Variants in FANCA observed in about 807,000 individuals in gnomAD.
FANCA encodes FA complementation group A.
In FANCA, 236 loss-of-function variants were observed where a neutral mutation model predicts 194.3. The ratio of observed to expected loss-of-function variants is 1.21; its 90% CI spans 1.09 to 1.35. The LOEUF (loss-of-function observed/expected upper bound fraction) is 1.35. Ranked by LOEUF, FANCA falls within the 40% of genes most tolerant of loss-of-function variation. FANCA has a pLI of 0.00. For missense variants in FANCA, 2,628 were observed against 1,813.9 expected (o/e 1.45, Z -8.15); for synonymous variants, 1,014 against 715.8 (o/e 1.42, Z -6.65).
intron 6 of FANCA, among the ~76,000 whole-genome samples, chr16:89,806,698 G>A (rs1473808545): frequency 6.6e-6 from 1 of 152,216 alleles, no homozygotes; most frequent in Admixed American, 6.5e-5. Context: ...TCCCAAGGCA[G>A]AAGAATTTCT....
Position 89,738,104 on chromosome 16 carries a change from A to G in FANCA, c.*497T>C, listed in dbSNP as rs888001596. ...GGCCGGCGGTTTGAGAAGGCCCACA[A>G]CCTCAATGTACACATGTCCATGGTG... On this transcript the variant is annotated 3_prime_UTR_variant, in exon 43 of 43. Transcript: ENST00000389301. 6.2e-6 allele frequency: 10 copies of G among 1,613,914 alleles called. No individual in the cohort carries two copies. Among genetic ancestry groups the G allele is most frequent in the African/African-American group, 1.3e-5 (1 of 75,036 alleles).
At chr16:89,777,274 T>C (rs1029316128) in intron 20 of FANCA, among the ~76,000 whole-genome samples, 1 of 151,978 alleles carries the variant, frequency 6.6e-6, no homozygotes, top group Non-Finnish European at 1.5e-5. Context: ...CCCAGCTACT[T>C]GGGAGGCGGA....
rs745511608 is a variant in FANCA at position 89,767,211 on chromosome 16, G to A, written c.2531C>T (p.Ser844Phe). Residue 844 changes from serine (S) to phenylalanine (F), a missense_variant, in exon 27 of 43, where the codon TCT becomes TTT. Physicochemically the swap from Ser to Phe is radical, Grantham distance 155 (BLOSUM62 -2). Transcript: ENST00000389301. Reference sequence around the variant, plus strand: ...TGACTGGGAAGAAAACTTGCAGAGAGAGTAAGAAATTGCTGCTGTACAAAA... The same window carrying A: ...TGACTGGGAAGAAAACTTGCAGAGAAAGTAAGAAATTGCTGCTGTACAAAA... ...LKFCTAAISY[S>F]LCKFSSQSRD... 6.2e-7 allele frequency: 1 copy of A among 1,613,464 alleles called. No homozygotes were observed. The highest frequency in any genetic ancestry group is 1.3e-5 in the African/African-American group (1 of 75,072).
At chr16:89,739,429 G>T in intron 40 of FANCA, 49 bp downstream of exon 40, 1 of 1,552,560 alleles carries the variant, frequency 6.4e-7, no homozygotes, top group African/African-American at 1.4e-5. Flanking sequence ...CTGAGATGGG[G>T]GTCTGGGAAA....
At chr16:89,802,174 G>A (rs1033194530) in intron 8 of FANCA, among the ~76,000 whole-genome samples, 1 of 152,014 alleles carries the variant, frequency 6.6e-6, no homozygotes, top group Non-Finnish European at 1.5e-5. Flanking sequence ...CGCAATCTTG[G>A]CTCACTGCAA....
Position 89,739,104 on chromosome 16 carries a change from C to A in FANCA, c.4167+29G>T, listed in dbSNP as rs545928949. The A allele has an allele frequency of 5.2e-5, 84 of 1,613,980 alleles. 1 individual carries two copies. In the South Asian group the frequency reaches 8.6e-4, roughly 16 times the overall value. Reference sequence around the variant, plus strand: ...GAGCCTCCGGCTGGGGGGAGCTCCCCTGGAGGTGGGACTGGCCCTTGCACC... The same window carrying A: ...GAGCCTCCGGCTGGGGGGAGCTCCCATGGAGGTGGGACTGGCCCTTGCACC... On this transcript the variant is annotated intron_variant, in intron 41 of 42. Coordinates refer to ENST00000389301, the MANE Select transcript of FANCA (RefSeq NM_000135.4).
intron 27 of FANCA, 90 bp downstream of exon 27, chr16:89,767,051 A>C: frequency 9.6e-7 from 1 of 1,044,672 alleles, no homozygotes; most frequent in South Asian, 1.3e-5. Flanking sequence ...ATGGGCACAA[A>C]GCGGCAGCAG....
chr16:89,793,889 T>G (rs1452912936), intron 11 of FANCA, among the ~76,000 whole-genome samples: 1 of 152,182 alleles, frequency 6.6e-6, no homozygotes, highest in Non-Finnish European at 1.5e-5. Flanking sequence ...TAGCTGGGAC[T>G]ACAGGCGCCC....
intron 34 of FANCA, 69 bp downstream of exon 34, chr16:89,746,762 G>A (rs2038404853): frequency 3.1e-6 from 5 of 1,593,800 alleles, no homozygotes; most frequent in Non-Finnish European, 3.4e-6. Flanking sequence ...GAACTCACAG[G>A]AAGCTGACAG....
intron 27 of FANCA, among the ~76,000 whole-genome samples, chr16:89,765,451 G>A (rs902550918): frequency 2.6e-5 from 4 of 152,254 alleles, no homozygotes; most frequent in Admixed American, 2.0e-4. Context: ...TGTGCACAGT[G>A]CTCCAGGGAA....
At chr16:89,810,357 G>A (rs111387982) in intron 5 of FANCA, among the ~76,000 whole-genome samples, 7,165 of 150,522 alleles carry the variant, frequency 0.048, 603 homozygotes, top group African/African-American at 0.17. Flanking sequence ...TGGGCAACAA[G>A]GCGAGACCCT....
intron 14 of FANCA, among the ~76,000 whole-genome samples, chr16:89,789,325 G>A (rs958044673): frequency 3.3e-5 from 5 of 151,116 alleles, no homozygotes; most frequent in Admixed American, 6.6e-5. Context: ...AGCAGGCACC[G>A]CAGCCACGAT....
chr16:89,811,238 T>G (rs1598191430), intron 3 of FANCA, among the ~76,000 whole-genome samples, 167 bp from the exon 4 acceptor site: 3 of 152,312 alleles, frequency 2.0e-5, no homozygotes, highest in South Asian at 2.1e-4. Context: ...AAAATGAGAA[T>G]TTGATGATCC....
Position 89,810,867 on chromosome 16 carries a change from A to G in FANCA, c.426+62T>C, listed in dbSNP as rs1248080503. The G allele has an allele frequency of 7.4e-6, 12 of 1,613,714 alleles. No homozygotes were observed. In the African/African-American group the frequency reaches 8.0e-5, roughly 11 times the overall value. On this transcript the variant is annotated intron_variant, in intron 4 of 42. Transcript: ENST00000389301. ...TGAAACAATACTAAAGCTATGTCCTATTTTCCCAACCAGCTTAAAAGTAAC... is the reference window on the plus strand; with the variant it reads ...TGAAACAATACTAAAGCTATGTCCTGTTTTCCCAACCAGCTTAAAAGTAAC...
intron 37 of FANCA, among the ~76,000 whole-genome samples, chr16:89,741,697 C>T (rs1219648020): frequency 6.6e-6 from 1 of 152,192 alleles, no homozygotes; most frequent in Non-Finnish European, 1.5e-5. Flanking sequence ...GCCTCTCCCA[C>T]TCCTTTCCCT....
rs2039078843 is a variant in FANCA at position 89,765,027 on chromosome 16, G to A, written c.2641C>T (p.Gln881Ter). 1.9e-6 allele frequency: 3 copies of A among 1,614,250 alleles called. No homozygotes were observed. The highest frequency in any genetic ancestry group is 2.5e-6 in the Non-Finnish European group (3 of 1,180,040). ...GCTACGTCCTCCTCAGAAAGAGGCT[G>A]TCGGGCCTCTGAGAACAATCTGAAC... The part of the protein sequence containing the change: ...LMFRLFSEAR[Q>*]PLSEEDVASL... Residue 881 changes from glutamine to a stop codon, truncating the protein, a stop_gained, in exon 28 of 43, where the codon CAG becomes TAG. Transcript: ENST00000389301. LOFTEE classifies it high-confidence loss of function.
At chr16:89,811,394 T>C (rs2040872940) in intron 3 of FANCA, among the ~76,000 whole-genome samples, 1 of 152,246 alleles carries the variant, frequency 6.6e-6, no homozygotes, top group Admixed American at 6.5e-5. Flanking sequence ...AGGAGCACAA[T>C]AAATTGAGAA....
intron 6 of FANCA, 46 bp from the exon 7 acceptor site, chr16:89,805,438 T>A (rs1284315331): frequency 6.8e-7 from 1 of 1,476,898 alleles, no homozygotes; most frequent in Non-Finnish European, 9.4e-7. Flanking sequence ...CTAAATCCCA[T>A]CATCAGGGGA....
chr16:89,755,401 C>T (rs1387686356), intron 30 of FANCA, among the ~76,000 whole-genome samples: 5 of 151,500 alleles, frequency 3.3e-5, no homozygotes, highest in African/African-American at 9.7e-5. Context: ...TTTTTAGTTT[C>T]GCCATGTTGG....
Sources: gnomAD v4.1 joint callset for allele counts (sites outside exome capture counted in the v4.1 genomes callset) on GRCh38, gnomAD v4.1.1 for gene constraint, MANE v1.5 for transcripts, NCBI Gene and HGNC (gene_info 2026-07-23, HGNC 2026-07-21) for gene names.